FDX1: variants seen among roughly 807,000 people sequenced by gnomAD.
FDX1 encodes ferredoxin 1.
A neutral mutation model predicts 14.9 loss-of-function variants in FDX1; 9 were observed. The ratio of observed to expected loss-of-function variants is 0.60; its 90% CI spans 0.36 to 1.05. The LOEUF (loss-of-function observed/expected upper bound fraction) is 1.05. FDX1 is among the 50% of genes least tolerant of loss of function. FDX1 has a pLI of 0.01. For missense variants in FDX1, 204 were observed against 237.2 expected (o/e 0.86, Z 0.92); for synonymous variants, 92 against 99.4 (o/e 0.93, Z 0.44).
intron 2 of FDX1, among the ~76,000 whole-genome samples, chr11:110,456,601 G>C (rs948490240): frequency 6.7e-6 from 1 of 149,102 alleles, no homozygotes; most frequent in Non-Finnish European, 1.5e-5. Context: ...CCGCCTCCCG[G>C]GTTCAAGTAT....
chr11:110,433,161 G>A (rs1449899995), intron 1 of FDX1, among the ~76,000 whole-genome samples: 1 of 152,246 alleles, frequency 6.6e-6, no homozygotes, highest in Non-Finnish European at 1.5e-5. Flanking sequence ...GCTTTCAGTA[G>A]TGTGTATAAA....
At chr11:110,433,489 G>T (rs1311177490) in intron 1 of FDX1, among the ~76,000 whole-genome samples, 1 of 152,042 alleles carries the variant, frequency 6.6e-6, no homozygotes, top group Non-Finnish European at 1.5e-5. Flanking sequence ...AAACCTTTTG[G>T]TCTACCTCCT....
At chr11:110,430,738 T>G (rs1351124391) in intron 1 of FDX1, among the ~76,000 whole-genome samples, 1 of 152,272 alleles carries the variant, frequency 6.6e-6, no homozygotes, top group African/African-American at 2.4e-5. Flanking sequence ...CTGCCAGCTG[T>G]TTTTTTCAGG....
chr11:110,436,263 A>C (rs568965693), intron 2 of FDX1, among the ~76,000 whole-genome samples: 1 of 152,270 alleles, frequency 6.6e-6, no homozygotes, highest in Non-Finnish European at 1.5e-5. Context: ...GTTAGAGAGA[A>C]TAAATGTCAT....
chr11:110,431,583 C>A (rs1195821718), intron 1 of FDX1, among the ~76,000 whole-genome samples: 1 of 152,176 alleles, frequency 6.6e-6, no homozygotes, highest in African/African-American at 2.4e-5. Context: ...CTGCACTTCC[C>A]CCCCTGTCTT....
At chr11:110,429,830 A>T (rs913626125), upstream of FDX1, 4 of 276,252 alleles carry the variant, frequency 1.4e-5, no homozygotes, top group Non-Finnish European at 2.7e-5. Flanking sequence ...CGGAACCTGG[A>T]GGGTTGGTAA....
intron 1 of FDX1, among the ~76,000 whole-genome samples, chr11:110,431,964 A>G (rs575349066): frequency 2.0e-5 from 3 of 152,228 alleles, no homozygotes; most frequent in East Asian, 1.9e-4. Context: ...GAAGTTTAAC[A>G]TAATTAAAGG....
chr11:110,456,057 G>A lies in FDX1; in HGVS notation c.311-861G>A, dbSNP rs1362670850. Among the ~76,000 whole-genome samples, 4 of 152,152 alleles carry A rather than the reference G, an allele frequency of 2.6e-5. No individual in the cohort carries two copies. In the South Asian group the frequency reaches 6.2e-4, roughly 24 times the overall value. On this transcript the variant is annotated intron_variant, in intron 2 of 3. Transcript: ENST00000260270. The stretch of plus-strand genomic sequence containing the variant: ...TACGATATGTATTCAGTAAACCACT[G>A]TTAAATTAATGACTTAAAAAATGGA...
intron 2 of FDX1, among the ~76,000 whole-genome samples, chr11:110,442,156 G>A (rs1946408665): frequency 6.6e-6 from 1 of 152,236 alleles, no homozygotes; most frequent in East Asian, 1.9e-4. Flanking sequence ...GTTCCAGGCA[G>A]TAGTTTTTTG....
chr11:110,449,343 A>G (rs1244173465), intron 2 of FDX1, among the ~76,000 whole-genome samples: 1 of 152,216 alleles, frequency 6.6e-6, no homozygotes, highest in African/African-American at 2.4e-5. Context: ...GTGTTGCTGT[A>G]AGGTGTTCCT....
chr11:110,456,559 G>A (rs984118759), intron 2 of FDX1, among the ~76,000 whole-genome samples: 8 of 119,192 alleles, frequency 6.7e-5, no homozygotes, highest in African/African-American at 2.3e-4. Flanking sequence ...CTGTCACCCC[G>A]GCTAGAGTGT....
chr11:110,454,799 C>T (rs1390759976), intron 2 of FDX1, among the ~76,000 whole-genome samples: 1 of 152,016 alleles, frequency 6.6e-6, no homozygotes, highest in Non-Finnish European at 1.5e-5. Context: ...CTTGAGGAAA[C>T]TGAGACATGG....
In FDX1 at chr11:110,457,053, AT is replaced by A; in HGVS notation, c.440+11del. 6.2e-7 allele frequency: 1 copy of A among 1,607,298 alleles called. No individual in the cohort carries two copies. On this transcript the variant is annotated splice_region_variant and intron_variant, in intron 3 of 3. Transcript: ENST00000260270. ...GCATATGGACTAACAGACAGGTAAG[AT>A]TTTTGGACTGCTTCAATTGTAATAA... is the stretch of plus-strand genomic sequence containing the variant.
At position 110,462,455 on chromosome 11, in the gene FDX1, G is replaced by A; in HGVS notation, c.542G>A (p.Gly181Asp). 6.9e-7 allele frequency: 1 copy of A among 1,449,410 alleles called. No homozygotes were observed. The allele number at this position is 1,449,410 out of a possible 1,614,324, so 89.8% of individuals were successfully genotyped here. Residue 181 changes from glycine to aspartate, a missense_variant, in exon 4 of 4, where the codon GGC becomes GAC. Coordinates refer to ENST00000260270, the MANE Select transcript of FDX1 (RefSeq NM_004109.5). The stretch of plus-strand genomic sequence containing the variant: ...GATGCCAGACAATCCATTGATGTGG[G>A]CAAGACCTCCTGAACTAGAACAAAT... ...VADARQSIDV[G>D]KTS
At position 110,462,548 on chromosome 11, in the gene FDX1, ATGGATGAG is replaced by A. The variant is rs1272199135; in HGVS notation, c.*85_*92del. On this transcript the variant is annotated 3_prime_UTR_variant, in exon 4 of 4. Transcript: ENST00000260270. The stretch of plus-strand genomic sequence containing the variant: ...TTTCTTAAAGTGATTAAATGAGAAC[ATGGATGAG>A]TGGACTTCATATTATGACTAGCTTT... The A allele has an allele frequency of 1.4e-6, 1 of 703,902 alleles. No homozygotes were observed. The highest frequency in any genetic ancestry group is 1.8e-5 in the African/African-American group (1 of 56,864). 43.6% of individuals were successfully genotyped at this position (703,902 alleles called of 1,614,324 possible).
chr11:110,460,798 G>A (rs1946551765), intron 3 of FDX1, among the ~76,000 whole-genome samples: 2 of 152,242 alleles, frequency 1.3e-5, no homozygotes, highest in African/African-American at 4.8e-5. Flanking sequence ...CAAGTTGCCT[G>A]TGAACATGGT....
At chr11:110,443,889 G>C (rs1290896623) in intron 2 of FDX1, among the ~76,000 whole-genome samples, 1 of 151,810 alleles carries the variant, frequency 6.6e-6, no homozygotes, top group African/African-American at 2.4e-5. Context: ...GTCTGTTCAT[G>C]TCCTTTGCCT....
chr11:110,457,603 A>G (rs1419502781), intron 3 of FDX1, among the ~76,000 whole-genome samples: 2 of 152,160 alleles, frequency 1.3e-5, no homozygotes, highest in Admixed American at 6.5e-5. Flanking sequence ...AAAATTATCT[A>G]GTCTTTTGAT....
At chr11:110,433,682 T>G (rs1323848735) in intron 1 of FDX1, among the ~76,000 whole-genome samples, 1 of 152,208 alleles carries the variant, frequency 6.6e-6, no homozygotes, top group African/African-American at 2.4e-5. Context: ...TTAAAGCATG[T>G]TTTGGCTGTG....
Sources: allele counts gnomAD v4.1 joint callset (sites outside exome capture counted in the v4.1 genomes callset), GRCh38; gene constraint gnomAD v4.1.1; transcripts MANE v1.5; gene names NCBI Gene and HGNC (gene_info 2026-07-23, HGNC 2026-07-21).